The following NIPAL2 variants were observed in gnomAD, a reference collection of about 807,000 sequenced individuals.
The protein encoded by NIPAL2 is NIPA-like protein 2.
Under a neutral mutation model 48.9 loss-of-function variants are expected in NIPAL2, and 43 were observed. The ratio of observed to expected loss-of-function variants is 0.88; its 90% CI spans 0.69 to 1.13. The LOEUF is 1.13. Among genes scored for constraint, NIPAL2 ranks in the 50% most tolerant of loss-of-function variants. The pLI, the probability that NIPAL2 is intolerant of heterozygous loss-of-function variation, is 0.00. For synonymous variants in NIPAL2, 167 were observed against 174.6 expected, an observed-to-expected ratio of 0.96 and a Z score of 0.34; for missense variants, 446 against 461.4, an observed-to-expected ratio of 0.97 and a Z score of 0.31.
intron 1 of NIPAL2, among the ~76,000 whole-genome samples, chr8:98,282,313 A>G (rs1313604489): frequency 6.6e-6 from 1 of 152,180 alleles, no homozygotes; most frequent in African/African-American, 2.4e-5. Context: ...GTGCTAAGAC[A>G]CAAAGAACTC....
intron 5 of NIPAL2, among the ~76,000 whole-genome samples, chr8:98,219,749 T>C (rs2130745624): frequency 6.6e-6 from 1 of 152,292 alleles, no homozygotes; most frequent in African/African-American, 2.4e-5. Flanking sequence ...TCCCCTGCTG[T>C]TCATCATCAA....
chr8:98,203,854 G>A (rs1810911719), intron 7 of NIPAL2, among the ~76,000 whole-genome samples: 2 of 151,836 alleles, frequency 1.3e-5, no homozygotes, highest in African/African-American at 4.8e-5. Flanking sequence ...GCCTGTGTGT[G>A]TGTGTGTGTG....
At chr8:98,235,066 A>G (rs1812638510) in intron 4 of NIPAL2, among the ~76,000 whole-genome samples, 1 of 152,194 alleles carries the variant, frequency 6.6e-6, no homozygotes, top group Admixed American at 6.5e-5. Flanking sequence ...AAGAGAAAAC[A>G]TTTTCAAGAC....
chr8:98,280,736 CTATATATA>C (rs71572005), intron 1 of NIPAL2, among the ~76,000 whole-genome samples: 2 of 39,024 alleles, frequency 5.1e-5, no homozygotes, highest in African/African-American at 1.7e-4. Flanking sequence ...TAGTCCATTA[CTATATATA>C]TATATATATA....
At chr8:98,275,970 C>G (rs911897836) in intron 1 of NIPAL2, among the ~76,000 whole-genome samples, 1 of 152,154 alleles carries the variant, frequency 6.6e-6, no homozygotes, top group Non-Finnish European at 1.5e-5. Flanking sequence ...AGGTTCACAG[C>G]AAAATTGAGA....
At chr8:98,272,536 T>C (rs140341182) in intron 1 of NIPAL2, among the ~76,000 whole-genome samples, 1 of 152,312 alleles carries the variant, frequency 6.6e-6, no homozygotes, top group African/African-American at 2.4e-5. Flanking sequence ...GTTAATGTAG[T>C]GTATTAAGAA....
At chr8:98,271,735 G>A (rs539353764) in intron 1 of NIPAL2, among the ~76,000 whole-genome samples, 1 of 152,238 alleles carries the variant, frequency 6.6e-6, no homozygotes, top group South Asian at 2.1e-4. Flanking sequence ...TTGAATAGGA[G>A]TGGTTAGAGT....
intron 1 of NIPAL2, among the ~76,000 whole-genome samples, chr8:98,256,196 G>A (rs577213397): frequency 1.5e-4 from 23 of 151,962 alleles, no homozygotes; most frequent in Non-Finnish European, 3.2e-4. Context: ...GCAAATTTTT[G>A]TATTTTTAGT....
Position 98,201,458 on chromosome 8 carries a change from C to T in NIPAL2, c.880+1650G>A, listed in dbSNP as rs551735325. Among the ~76,000 whole-genome samples, 4 of 152,152 alleles carry T rather than the reference C, an allele frequency of 2.6e-5. No homozygotes were observed. The South Asian group carries it at 8.3e-4, about 32-fold the overall frequency. ...TGAGAGCAGTGGTGTGACTATAGCT[C>T]ACTGTAACCTCGAACTTCTGGGTTC... On this transcript the variant is annotated intron_variant, in intron 8 of 10. Transcript: ENST00000430223.
intron 1 of NIPAL2, among the ~76,000 whole-genome samples, chr8:98,264,990 A>C (rs1437182746): frequency 6.8e-6 from 1 of 146,480 alleles, no homozygotes; most frequent in Non-Finnish European, 1.5e-5. Context: ...ATCTACAACT[A>C]TCTGATCTTT....
chr8:98,241,719 T>A (rs1812988328), intron 3 of NIPAL2, among the ~76,000 whole-genome samples: 1 of 152,230 alleles, frequency 6.6e-6, no homozygotes, highest in Non-Finnish European at 1.5e-5. Context: ...TGCTATTATG[T>A]TAAAAGAGGT....
In NIPAL2 at chr8:98,195,824, C is replaced by G. The variant is rs1586284364; in HGVS notation, c.944+118G>C. 4.5e-6 allele frequency: 3 copies of G among 662,936 alleles called. No individual in the cohort carries two copies. The East Asian group carries it at 9.7e-5, about 22-fold the overall frequency. 41.1% of individuals were successfully genotyped at this position (662,936 alleles called of 1,614,324 possible). ...AAAAAATATGTTTCTTTTAGGAGCTCAGGAAACTGATGTTTCTTATATTAT... is the reference window on the plus strand; with the variant it reads ...AAAAAATATGTTTCTTTTAGGAGCTGAGGAAACTGATGTTTCTTATATTAT... On this transcript the variant is annotated intron_variant, in intron 9 of 10. Coordinates refer to ENST00000430223, the MANE Select transcript of NIPAL2 (RefSeq NM_001321635.2).
chr8:98,252,155 G>A, intron 3 of NIPAL2: 1 of 245,388 alleles, frequency 4.1e-6, no homozygotes, highest in South Asian at 1.6e-4. Flanking sequence ...CATTACAAAT[G>A]CTTTTAGGTA....
At chr8:98,257,297 C>G (rs1200820417) in intron 1 of NIPAL2, among the ~76,000 whole-genome samples, 1 of 150,348 alleles carries the variant, frequency 6.7e-6, no homozygotes, top group Admixed American at 6.7e-5. Flanking sequence ...AGATAGCAGG[C>G]CCTGAAAGGA....
At chr8:98,226,952 TGCAGC>T (rs1467683625) in intron 4 of NIPAL2, among the ~76,000 whole-genome samples, 33 of 152,316 alleles carry the variant, frequency 2.2e-4, no homozygotes, top group African/African-American at 7.7e-4. Flanking sequence ...TCTATTCTAC[TGCAGC>T]TAGGCTGACA....
At chr8:98,287,304 G>A (rs777898776) in intron 1 of NIPAL2, among the ~76,000 whole-genome samples, 1 of 152,184 alleles carries the variant, frequency 6.6e-6, no homozygotes, top group Non-Finnish European at 1.5e-5. Flanking sequence ...TAGAAGTCTG[G>A]AAAGTGGCTG....
At chr8:98,242,501 T>TTTTTTTTTTTA in intron 3 of NIPAL2, among the ~76,000 whole-genome samples, 1 of 149,082 alleles carries the variant, frequency 6.7e-6, no homozygotes, top group South Asian at 2.2e-4. Context: ...TTTTTTTTTT[T>TTTTTTTTTTTA]TTTTTTAACT....
intron 1 of NIPAL2, among the ~76,000 whole-genome samples, chr8:98,272,585 A>G (rs1473363827): frequency 6.6e-6 from 1 of 151,956 alleles, no homozygotes; most frequent in Non-Finnish European, 1.5e-5. Context: ...TCTTAACACC[A>G]GTTTAGAAAA....
In NIPAL2 at chr8:98,203,107, C is replaced by A. The variant is rs1218469853; in HGVS notation, c.880+1G>T. On this transcript the variant is annotated splice_donor_variant, in intron 8 of 10. Coordinates refer to ENST00000430223, the MANE Select transcript of NIPAL2 (RefSeq NM_001321635.2). LOFTEE classifies it high-confidence loss of function. Reference sequence around the variant, plus strand: ...CCAATGTATAGAAAACCAAAACTCACCTGCAATGATGGCACTGATTGTAAA... The same window carrying A: ...CCAATGTATAGAAAACCAAAACTCAACTGCAATGATGGCACTGATTGTAAA... The A allele has an allele frequency of 6.2e-7, 1 of 1,611,280 alleles. No homozygotes were observed. The highest frequency in any genetic ancestry group is 2.2e-5 in the East Asian group (1 of 44,878).
Sources: allele counts gnomAD v4.1 joint callset (sites outside exome capture counted in the v4.1 genomes callset), GRCh38; gene constraint gnomAD v4.1.1; transcripts MANE v1.5; gene names NCBI Gene and HGNC (gene_info 2026-07-23, HGNC 2026-07-21).